Variants in ADAMTS6 observed in about 807,000 individuals in gnomAD.
The protein encoded by ADAMTS6 is ADAM metallopeptidase with thrombospondin type 1 motif 6.
In ADAMTS6, 23 loss-of-function variants were observed where a neutral mutation model predicts 144.3. The ratio of observed to expected loss-of-function variants is 0.16; its 90% confidence interval spans 0.11 to 0.23. The LOEUF (loss-of-function observed/expected upper bound fraction) is 0.23. ADAMTS6 is among the 10% of genes least tolerant of loss of function. The pLI, the probability that ADAMTS6 is intolerant of heterozygous loss-of-function variation, is 1.00. For synonymous variants in ADAMTS6, 444 were observed against 457.5 expected (o/e 0.97, Z 0.38); for missense variants, 999 against 1,379.6 (o/e 0.72, Z 4.37).
At chr5:65,313,749 A>G (rs773087875) in intron 9 of ADAMTS6, among the ~76,000 whole-genome samples, 1 of 152,134 alleles carries the variant, frequency 6.6e-6, no homozygotes, top group Non-Finnish European at 1.5e-5. Flanking sequence ...GTCATGCTAC[A>G]TTAACTGAAA....
At chr5:65,225,500 CTTA>C (rs1236844581) in intron 16 of ADAMTS6, among the ~76,000 whole-genome samples, 1 of 152,116 alleles carries the variant, frequency 6.6e-6, no homozygotes, top group Non-Finnish European at 1.5e-5. Flanking sequence ...TGTGGCTTTT[CTTA>C]TTATGTTACA....
chr5:65,437,977 G>A (rs978580477), intron 7 of ADAMTS6, among the ~76,000 whole-genome samples: 5 of 152,014 alleles, frequency 3.3e-5, no homozygotes, highest in Non-Finnish European at 7.4e-5. Context: ...TAATTTAAAT[G>A]TTACCCCTTT....
intron 7 of ADAMTS6, among the ~76,000 whole-genome samples, chr5:65,421,157 GTC>G (rs1424882559): frequency 2.0e-5 from 3 of 152,078 alleles, no homozygotes; most frequent in Non-Finnish European, 4.4e-5. Context: ...TTATTTTAGA[GTC>G]TCTGTGAGTT....
chr5:65,463,115 A>G (rs1025734103), intron 3 of ADAMTS6, among the ~76,000 whole-genome samples: 31 of 152,078 alleles, frequency 2.0e-4, no homozygotes, highest in Non-Finnish European at 3.8e-4. Context: ...ATACAAATAA[A>G]TGATGAAGCA....
chr5:65,300,903 T>C (rs1416931470), intron 9 of ADAMTS6, among the ~76,000 whole-genome samples: 2 of 152,148 alleles, frequency 1.3e-5, no homozygotes, highest in African/African-American at 4.8e-5. Context: ...AGTGCTGGGA[T>C]TAAAGGCGGG....
At chr5:65,204,958 C>G (rs1356201862) in intron 20 of ADAMTS6, among the ~76,000 whole-genome samples, 1 of 152,100 alleles carries the variant, frequency 6.6e-6, no homozygotes, top group Non-Finnish European at 1.5e-5. Context: ...GTGCTTTTAA[C>G]TATTCAAACT....
chr5:65,404,965 A>G (rs1234487218), intron 7 of ADAMTS6, among the ~76,000 whole-genome samples: 2 of 152,062 alleles, frequency 1.3e-5, no homozygotes, highest in African/African-American at 4.8e-5. Flanking sequence ...GTCTGTTCAT[A>G]TCCTTTGCCC....
intron 14 of ADAMTS6, among the ~76,000 whole-genome samples, chr5:65,244,602 T>C (rs1423387786): frequency 6.6e-5 from 10 of 152,126 alleles, no homozygotes; most frequent in African/African-American, 2.4e-4. Context: ...TAAGTACTTA[T>C]TATGTGGCAC....
intron 7 of ADAMTS6, among the ~76,000 whole-genome samples, chr5:65,435,220 T>C (rs757121252): frequency 6.6e-6 from 1 of 152,152 alleles, no homozygotes; most frequent in Non-Finnish European, 1.5e-5. Flanking sequence ...CCTTAATCTT[T>C]GGGTATATGT....
intron 13 of ADAMTS6, 121 bp downstream of exon 13, chr5:65,262,696 T>C (rs1453146467): frequency 2.5e-5 from 30 of 1,218,656 alleles, no homozygotes; most frequent in Non-Finnish European, 2.9e-5. Context: ...CTATGGCTTG[T>C]TCTGAAGACA....
chr5:65,256,082 T>C lies in ADAMTS6; in HGVS notation c.1830+4518A>G, dbSNP rs185212054. On this transcript the variant is annotated intron_variant, in intron 14 of 24. Coordinates refer to ENST00000381055, the MANE Select transcript of ADAMTS6 (RefSeq NM_197941.4). ...CACATAAAATTTACAATCTTCTTTA[T>C]AACGAGAATTTTTCTGTTGCATAGC... 5.8e-4 allele frequency among the ~76,000 whole-genome samples: 89 copies of C among 152,334 alleles called. No individual in the cohort carries two copies. The Middle Eastern group carries it at 0.014, about 23-fold the overall frequency.
At chr5:65,160,036 A>C (rs552375509) in intron 24 of ADAMTS6, among the ~76,000 whole-genome samples, 4 of 152,224 alleles carry the variant, frequency 2.6e-5, no homozygotes, top group Non-Finnish European at 5.9e-5. Flanking sequence ...AAATACTGAT[A>C]GGAGGGAGAC....
intron 15 of ADAMTS6, among the ~76,000 whole-genome samples, 188 bp from the exon 16 acceptor site, chr5:65,226,407 G>T (rs1353632847): frequency 1.3e-5 from 2 of 151,798 alleles, no homozygotes; most frequent in African/African-American, 2.4e-5. Context: ...AACTTAAAGG[G>T]GGACTTGCTC....
intron 7 of ADAMTS6, among the ~76,000 whole-genome samples, chr5:65,357,535 A>G (rs1018340896): frequency 2.6e-5 from 4 of 151,902 alleles, no homozygotes; most frequent in African/African-American, 7.2e-5. Flanking sequence ...GACTAAAAAA[A>G]CAATAAAAAA....
At chr5:65,362,526 T>A (rs1461154128) in intron 7 of ADAMTS6, among the ~76,000 whole-genome samples, 1 of 151,944 alleles carries the variant, frequency 6.6e-6, no homozygotes, top group Admixed American at 6.6e-5. Flanking sequence ...TGAGACTGTT[T>A]CTTAAAAAAT....
intron 7 of ADAMTS6, among the ~76,000 whole-genome samples, chr5:65,412,369 T>G (rs913804046): frequency 4.6e-5 from 7 of 151,972 alleles, no homozygotes; most frequent in African/African-American, 1.7e-4. Flanking sequence ...ATAGAAGTAC[T>G]TTTTTAGTGA....
chr5:65,183,580 G>T (rs909949488), intron 22 of ADAMTS6, among the ~76,000 whole-genome samples: 2 of 151,908 alleles, frequency 1.3e-5, no homozygotes, highest in East Asian at 3.9e-4. Context: ...TGTGGATAAG[G>T]GGGGACTACT....
chr5:65,396,272 A>G (rs558210787), intron 7 of ADAMTS6, among the ~76,000 whole-genome samples: 3 of 152,338 alleles, frequency 2.0e-5, no homozygotes, highest in East Asian at 3.9e-4. Flanking sequence ...TCCTGTTTTT[A>G]TGCATGCATA....
chr5:65,268,063 G>A (rs887281777), intron 12 of ADAMTS6, among the ~76,000 whole-genome samples: 1 of 152,112 alleles, frequency 6.6e-6, no homozygotes, highest in South Asian at 2.1e-4. Context: ...AAAACATACT[G>A]TATTCTACCC....
Sources: gnomAD v4.1 joint callset for allele counts (sites outside exome capture counted in the v4.1 genomes callset) on GRCh38, gnomAD v4.1.1 for gene constraint, MANE v1.5 for transcripts, NCBI Gene and HGNC (gene_info 2026-07-23, HGNC 2026-07-21) for gene names.